Variants in NIBAN1 observed in about 807,000 individuals in gnomAD.
The protein encoded by NIBAN1 is protein Niban 1.
In NIBAN1, 81 loss-of-function variants were observed where a neutral mutation model predicts 75.1. The ratio of observed to expected loss-of-function variants is 1.08; its 90% CI spans 0.90 to 1.30. The LOEUF is 1.30. NIBAN1 is among the 50% of genes most tolerant of loss of function. The probability of loss-of-function intolerance (pLI) is 0.00; values close to 1 mark genes in which losing one functional copy is unlikely to be tolerated. For missense variants in NIBAN1, 1,133 were observed against 1,128.1 expected (o/e 1.00, Z -0.06); for synonymous variants, 436 against 424.8 (o/e 1.03, Z -0.32).
At chr1:184,818,042 G>A (rs1456936716) in intron 9 of NIBAN1, among the ~76,000 whole-genome samples, 3 of 152,168 alleles carry the variant, frequency 2.0e-5, no homozygotes, top group East Asian at 3.8e-4. Flanking sequence ...CACCCCTGGA[G>A]TGTCTGTGAA....
intron 1 of NIBAN1, among the ~76,000 whole-genome samples, chr1:184,914,143 G>A (rs1318537651): frequency 6.6e-6 from 1 of 152,162 alleles, no homozygotes; most frequent in Non-Finnish European, 1.5e-5. Context: ...TGGACTTACA[G>A]TGGCACAAGA....
intron 12 of NIBAN1, among the ~76,000 whole-genome samples, chr1:184,800,656 G>C (rs2102184481): frequency 6.6e-6 from 1 of 152,042 alleles, no homozygotes; most frequent in South Asian, 2.1e-4. Flanking sequence ...TCTCAGGTTT[G>C]TCAAAGATCA....
chr1:184,891,393 T>C (rs1399675430), intron 3 of NIBAN1, among the ~76,000 whole-genome samples: 1 of 152,186 alleles, frequency 6.6e-6, no homozygotes, highest in Admixed American at 6.5e-5. Context: ...AGTGAAACAA[T>C]AATGTTGAGA....
At chr1:184,936,174 T>C (rs760119874) in intron 1 of NIBAN1, among the ~76,000 whole-genome samples, 4 of 152,164 alleles carry the variant, frequency 2.6e-5, no homozygotes, top group Non-Finnish European at 5.9e-5. Flanking sequence ...GAAAGCCATA[T>C]GTACTCCAAA....
intron 12 of NIBAN1, among the ~76,000 whole-genome samples, chr1:184,799,862 C>T (rs1653984180): frequency 1.1e-5 from 1 of 95,026 alleles, no homozygotes; most frequent in East Asian, 3.7e-4. Flanking sequence ...TCTCCTGCCT[C>T]AGCCTCCCGA....
chr1:184,862,677 T>G (rs974386264), intron 5 of NIBAN1, among the ~76,000 whole-genome samples: 3 of 152,198 alleles, frequency 2.0e-5, no homozygotes, highest in Non-Finnish European at 4.4e-5. Context: ...TTCTTGGTAT[T>G]TCCCCTTTTT....
chr1:184,823,155 A>G lies in NIBAN1; in HGVS notation c.985+12T>C. On this transcript the variant is annotated intron_variant, in intron 8 of 13. Transcript: ENST00000367511. ...TATTTAATTAGTAAGAGCATGGATT[A>G]TCTCTACTGACCTTTGATCTTTCCA... is the stretch of plus-strand genomic sequence containing the variant. 2.5e-6 allele frequency: 4 copies of G among 1,613,446 alleles called. No homozygotes were observed. The highest frequency in any genetic ancestry group is 3.4e-6 in the Non-Finnish European group (4 of 1,179,572).
intron 1 of NIBAN1, among the ~76,000 whole-genome samples, chr1:184,912,408 C>T (rs1010193380): frequency 6.6e-6 from 1 of 152,162 alleles, no homozygotes; most frequent in African/African-American, 2.4e-5. Flanking sequence ...TCTTCACCTG[C>T]ACTTCATATA....
At chr1:184,915,679 G>A (rs1657367654) in intron 1 of NIBAN1, among the ~76,000 whole-genome samples, 1 of 152,188 alleles carries the variant, frequency 6.6e-6, no homozygotes, top group Non-Finnish European at 1.5e-5. Context: ...GAAATCTAGT[G>A]AAGGAACTTA....
intron 1 of NIBAN1, among the ~76,000 whole-genome samples, chr1:184,920,010 A>G (rs1379057211): frequency 6.6e-6 from 1 of 152,130 alleles, no homozygotes; most frequent in Non-Finnish European, 1.5e-5. Context: ...ATAATTTTAA[A>G]TAAATAAGAC....
chr1:184,919,662 G>A (rs946124257), intron 1 of NIBAN1, among the ~76,000 whole-genome samples: 5 of 152,034 alleles, frequency 3.3e-5, no homozygotes, highest in Non-Finnish European at 5.9e-5. Flanking sequence ...CTCCTGAAGG[G>A]TTTCCGTGGT....
intron 1 of NIBAN1, among the ~76,000 whole-genome samples, chr1:184,964,143 T>C (rs1658718769): frequency 6.6e-6 from 1 of 151,894 alleles, no homozygotes; most frequent in Non-Finnish European, 1.5e-5. Context: ...ATGGTAATAG[T>C]TTGCAGGAAT....
intron 12 of NIBAN1, among the ~76,000 whole-genome samples, chr1:184,801,991 T>C (rs962591543): frequency 5.3e-5 from 8 of 152,136 alleles, no homozygotes; most frequent in African/African-American, 1.4e-4. Flanking sequence ...GTCAGAATCA[T>C]TTTTTTCACA....
intron 4 of NIBAN1, among the ~76,000 whole-genome samples, chr1:184,885,197 T>A (rs573665712): frequency 6.6e-6 from 1 of 152,212 alleles, no homozygotes; most frequent in South Asian, 2.1e-4. Context: ...TATAGGCGCA[T>A]ACCACCACCT....
chr1:184,956,742 T>C lies in NIBAN1; in HGVS notation c.55+17560A>G, dbSNP rs1658500947. Among the ~76,000 whole-genome samples, 4 of 152,246 alleles carry C rather than the reference T, an allele frequency of 2.6e-5. No individual in the cohort carries two copies. In the South Asian group the frequency reaches 8.3e-4, roughly 32 times the overall value. On this transcript the variant is annotated intron_variant, in intron 1 of 13. Coordinates refer to ENST00000367511, the MANE Select transcript of NIBAN1 (RefSeq NM_052966.4). ...TTTTTTTCATTTAAAAATGTTACTC[T>C]AAAAAGGGGTCCATAGGCTTTAACA...
intron 5 of NIBAN1, 117 bp downstream of exon 5, chr1:184,884,516 C>T (rs1022053065): frequency 1.5e-6 from 2 of 1,359,742 alleles, no homozygotes; most frequent in African/African-American, 2.9e-5. Flanking sequence ...TGAGCCACCG[C>T]ACTTGGCTCA....
intron 2 of NIBAN1, 96 bp from the exon 3 acceptor site, chr1:184,894,302 A>T (rs1350789343): frequency 1.2e-5 from 16 of 1,324,160 alleles, no homozygotes; most frequent in Non-Finnish European, 1.5e-5. Context: ...TAGTTTAGGA[A>T]ACTATCTTCC....
At chr1:184,904,651 A>G (rs577201205) in intron 1 of NIBAN1, among the ~76,000 whole-genome samples, 6 of 152,164 alleles carry the variant, frequency 3.9e-5, no homozygotes, top group African/African-American at 1.4e-4. Context: ...CTATCTCTCA[A>G]CGACATTATA....
intron 5 of NIBAN1, among the ~76,000 whole-genome samples, chr1:184,836,721 G>A (rs1248785218): frequency 1.3e-5 from 2 of 152,108 alleles, no homozygotes; most frequent in African/African-American, 4.8e-5. Flanking sequence ...ATCCAACAAC[G>A]AAGCCTCAGA....
Sources: gnomAD v4.1 joint callset for allele counts (sites outside exome capture counted in the v4.1 genomes callset) on GRCh38, gnomAD v4.1.1 for gene constraint, MANE v1.5 for transcripts, NCBI Gene and HGNC (gene_info 2026-07-23, HGNC 2026-07-21) for gene names.